CDKAL1: variants seen among roughly 807,000 people sequenced by gnomAD.
The protein encoded by CDKAL1 is CDKAL1 threonylcarbamoyladenosine tRNA methylthiotransferase, also known as threonylcarbamoyladenosine tRNA methylthiotransferase.
In CDKAL1, 32 loss-of-function variants were observed where a neutral mutation model predicts 68.2. That is an observed-to-expected ratio of 0.47 (90% CI 0.35 to 0.63). The LOEUF (loss-of-function observed/expected upper bound fraction) is 0.63. Among genes scored for constraint, CDKAL1 ranks in the 30% least tolerant of loss-of-function variants. The pLI is 0.00. For synonymous variants in CDKAL1, 234 were observed against 244.3 expected (o/e 0.96, Z 0.39); for missense variants, 606 against 696.7 (o/e 0.87, Z 1.47).
intron 15 of CDKAL1, among the ~76,000 whole-genome samples, chr6:21,208,097 G>T (rs1186622248): frequency 6.6e-6 from 1 of 151,764 alleles, no homozygotes; most frequent in Non-Finnish European, 1.5e-5. Flanking sequence ...AGAGAAGGCT[G>T]CCCCAGGGTG....
At chr6:21,091,879 TTTTTTTTTTTTTTTTTTTTTTTTTTG>T (rs1773029854) in intron 12 of CDKAL1, among the ~76,000 whole-genome samples, 1 of 7,276 alleles carries the variant, frequency 1.4e-4, no homozygotes. Flanking sequence ...TTTTTTTTTT[TTTTTTTTTTTTTTTTTTTTTTTTTTG>T]AGACGGAGGC....
At chr6:21,195,473 TTTTTTTTA>T (rs780420688) in intron 13 of CDKAL1, among the ~76,000 whole-genome samples, 8,331 of 118,094 alleles carry the variant, frequency 0.071, 334 homozygotes, top group Admixed American at 0.13. Flanking sequence ...TCTGGAGATG[TTTTTTTTA>T]TTTATTTATT....
At chr6:21,019,044 G>A (rs971082229) in intron 11 of CDKAL1, among the ~76,000 whole-genome samples, 2 of 152,102 alleles carry the variant, frequency 1.3e-5, no homozygotes, top group Non-Finnish European at 2.9e-5. Context: ...CACCTGCCAC[G>A]TTCAAGCAAT....
chr6:20,880,832 A>G (rs112276732), intron 9 of CDKAL1, among the ~76,000 whole-genome samples: 11 of 152,318 alleles, frequency 7.2e-5, no homozygotes, highest in South Asian at 4.1e-4. Flanking sequence ...AAAATTTCTT[A>G]TTATTGGTTC....
intron 9 of CDKAL1, among the ~76,000 whole-genome samples, chr6:20,863,843 A>G (rs1759769443): frequency 6.6e-6 from 1 of 152,222 alleles, no homozygotes; most frequent in East Asian, 1.9e-4. Flanking sequence ...TAAAAAGAAA[A>G]TACATTTCCT....
Position 21,206,125 on chromosome 6 carries a change from C to T in CDKAL1, c.1548+4851C>T, listed in dbSNP as rs564831783. Among the ~76,000 whole-genome samples, 3 of 152,254 alleles carry T rather than the reference C, an allele frequency of 2.0e-5. No individual in the cohort carries two copies. In the South Asian group the frequency reaches 6.2e-4, roughly 32 times the overall value. On this transcript the variant is annotated intron_variant, in intron 15 of 15. Transcript: ENST00000274695. ...GGATTACAGGCGTGAGCCACCACACCGGACCAGTCAAGCCTGTATTTTTAA... is the reference window on the plus strand; with the variant it reads ...GGATTACAGGCGTGAGCCACCACACTGGACCAGTCAAGCCTGTATTTTTAA...
rs184014472 is a variant in CDKAL1, at chr6:21,099,211, G to T, written c.1237-9190G>T. On this transcript the variant is annotated intron_variant, in intron 12 of 15. Coordinates refer to ENST00000274695, the MANE Select transcript of CDKAL1 (RefSeq NM_017774.3). ...TGCAAACCAACGGTTTAGAGCAAGG[G>T]TTAGTAAACTCTAAAAAGGGGCCAC... Among the ~76,000 whole-genome samples the T allele has an allele frequency of 1.5e-4, 23 of 152,226 alleles. No individual in the cohort carries two copies. The East Asian group carries it at 3.9e-3, about 26-fold the overall frequency.
At chr6:20,551,396 C>A (rs1763818638) in intron 4 of CDKAL1, among the ~76,000 whole-genome samples, 1 of 146,992 alleles carries the variant, frequency 6.8e-6, no homozygotes, top group African/African-American at 2.5e-5. Context: ...GAGACGGAGT[C>A]TCGCTCTGTC....
chr6:20,866,033 A>T (rs913141870), intron 9 of CDKAL1, among the ~76,000 whole-genome samples: 1 of 152,182 alleles, frequency 6.6e-6, no homozygotes, highest in African/African-American at 2.4e-5. Flanking sequence ...TGTATTTGTG[A>T]TCTGCTCTTG....
chr6:20,923,586 C>T (rs1012958419), intron 9 of CDKAL1, among the ~76,000 whole-genome samples: 2 of 152,190 alleles, frequency 1.3e-5, no homozygotes, highest in Admixed American at 1.3e-4. Context: ...ATTCATCTCC[C>T]TCTCTCTGTC....
intron 9 of CDKAL1, among the ~76,000 whole-genome samples, chr6:20,927,307 A>C (rs1417136073): frequency 6.6e-6 from 1 of 152,164 alleles, no homozygotes; most frequent in Non-Finnish European, 1.5e-5. Flanking sequence ...CTTTCAAAGA[A>C]AGTTCACAAT....
At chr6:20,811,144 G>T (rs1776798570) in intron 8 of CDKAL1, among the ~76,000 whole-genome samples, 1 of 152,196 alleles carries the variant, frequency 6.6e-6, no homozygotes, top group Non-Finnish European at 1.5e-5. Context: ...CCATGGACAA[G>T]AGCCAAGGTG....
intron 8 of CDKAL1, among the ~76,000 whole-genome samples, chr6:20,842,149 T>C (rs1177398630): frequency 6.6e-6 from 1 of 152,206 alleles, no homozygotes; most frequent in African/African-American, 2.4e-5. Context: ...GCTTCTTATG[T>C]TGAAATGATT....
At chr6:20,924,401 A>AT (rs1763092821) in intron 9 of CDKAL1, among the ~76,000 whole-genome samples, 1 of 152,086 alleles carries the variant, frequency 6.6e-6, no homozygotes, top group Non-Finnish European at 1.5e-5. Flanking sequence ...AGGCATGTCA[A>AT]AAGCCGGCAG....
intron 10 of CDKAL1, among the ~76,000 whole-genome samples, chr6:20,996,959 T>C (rs772351054): frequency 6.6e-6 from 1 of 152,246 alleles, no homozygotes; most frequent in Non-Finnish European, 1.5e-5. Flanking sequence ...GTTTACCTGG[T>C]CGAGCCAAAC....
At chr6:20,757,577 A>G (rs978181813) in intron 6 of CDKAL1, among the ~76,000 whole-genome samples, 4 of 151,824 alleles carry the variant, frequency 2.6e-5, no homozygotes, top group Non-Finnish European at 4.4e-5. Flanking sequence ...CACACCCTCT[A>G]TCATTTGTAA....
intron 10 of CDKAL1, among the ~76,000 whole-genome samples, chr6:20,993,875 G>A (rs542927897): frequency 2.6e-5 from 4 of 152,326 alleles, no homozygotes; most frequent in African/African-American, 7.2e-5. Context: ...TGCAGTTCCT[G>A]CCTGTAAAAT....
In CDKAL1 at chr6:20,643,370, G is replaced by A. The variant is rs116605872; in HGVS notation, c.287-5923G>A. ...CCAGATCATCTAAAAGTGGCAGTGT[G>A]TTTGTATATTTATTTTATTATTTAT... On this transcript the variant is annotated intron_variant, in intron 4 of 15. Coordinates refer to ENST00000274695, the MANE Select transcript of CDKAL1 (RefSeq NM_017774.3). Among the ~76,000 whole-genome samples the A allele has an allele frequency of 7.0e-4, 106 of 152,330 alleles. 1 individual carries two copies. The highest frequency in any genetic ancestry group is 1.3e-3 in the Non-Finnish European group (87 of 68,024).
At chr6:20,560,011 A>G (rs369656702) in intron 4 of CDKAL1, among the ~76,000 whole-genome samples, 1 of 152,272 alleles carries the variant, frequency 6.6e-6, no homozygotes, top group East Asian at 1.9e-4. Context: ...AACTTCTGAG[A>G]TGTTAACAAT....
Sources: gnomAD v4.1 joint callset for allele counts (sites outside exome capture counted in the v4.1 genomes callset) on GRCh38, gnomAD v4.1.1 for gene constraint, MANE v1.5 for transcripts, NCBI Gene and HGNC (gene_info 2026-07-23, HGNC 2026-07-21) for gene names.